The following ST8SIA6 variants were observed in gnomAD, a reference collection of about 807,000 sequenced individuals.
ST8SIA6 encodes ST8 alpha-N-acetyl-neuraminide alpha-2,8-sialyltransferase 6, also known as alpha-2,8-sialyltransferase 8F.
ST8SIA6 carries 39 observed loss-of-function variants against 33.6 expected under a neutral mutation model. That is an observed-to-expected ratio of 1.16 (90% CI 0.90 to 1.52). The LOEUF is 1.52. Ranked by LOEUF, ST8SIA6 falls within the 40% of genes most tolerant of loss-of-function variation. The pLI, the probability that ST8SIA6 is intolerant of heterozygous loss-of-function variation, is 0.00. For synonymous variants in ST8SIA6, 172 were observed against 167.2 expected (o/e 1.03, Z -0.22); for missense variants, 441 against 443.8 (o/e 0.99, Z 0.06).
chr10:17,361,089 G>T (rs1849371846), intron 3 of ST8SIA6, among the ~76,000 whole-genome samples: 1 of 151,980 alleles, frequency 6.6e-6, no homozygotes, highest in South Asian at 2.1e-4. Context: ...AGTTAGAAGG[G>T]CTATATTCAT....
chr10:17,334,654 G>GA (rs1293855288), intron 4 of ST8SIA6, among the ~76,000 whole-genome samples: 2 of 151,372 alleles, frequency 1.3e-5, no homozygotes, highest in Non-Finnish European at 2.9e-5. Flanking sequence ...CAAGTCCAAT[G>GA]AAAAAAAGAA....
intron 4 of ST8SIA6, among the ~76,000 whole-genome samples, chr10:17,351,414 A>T (rs1564415826): frequency 6.6e-6 from 1 of 150,478 alleles, no homozygotes; most frequent in Admixed American, 6.7e-5. Flanking sequence ...AAAAGTAAAA[A>T]AAAATTTTAG....
At chr10:17,392,544 T>C (rs1850655323) in intron 2 of ST8SIA6, among the ~76,000 whole-genome samples, 1 of 151,936 alleles carries the variant, frequency 6.6e-6, no homozygotes, top group Non-Finnish European at 1.5e-5. Flanking sequence ...AAATGTGCAA[T>C]GGTTCCAAAA....
chr10:17,414,136 T>G (rs1851535786), intron 2 of ST8SIA6, among the ~76,000 whole-genome samples: 1 of 149,112 alleles, frequency 6.7e-6, no homozygotes, highest in South Asian at 2.1e-4. Flanking sequence ...TGTCCTTGAC[T>G]GGCAAATTTG....
chr10:17,373,427 CT>C (rs1176141321), intron 3 of ST8SIA6, among the ~76,000 whole-genome samples: 1 of 152,172 alleles, frequency 6.6e-6, no homozygotes, highest in Non-Finnish European at 1.5e-5. Context: ...ATATGTTTGA[CT>C]TTACCATGTA....
At chr10:17,354,750 G>A (rs1186402611) in intron 4 of ST8SIA6, among the ~76,000 whole-genome samples, 3 of 152,116 alleles carry the variant, frequency 2.0e-5, no homozygotes, top group Admixed American at 6.6e-5. Context: ...GAGTCTCAGG[G>A]CCAGAAAGAT....
In ST8SIA6 at chr10:17,347,953, C is replaced by CAAAAAAAA. The variant is rs55996465; in HGVS notation, c.377+11553_377+11560dup. On this transcript the variant is annotated intron_variant, in intron 4 of 7. Transcript: ENST00000377602. ...CCTAGGCGATGGTGAGACTCTGTCT[C>CAAAAAAAA]AAAAAAAAAAAAAAAAAAAAAATTA... Among the ~76,000 whole-genome samples, 195 of 68,446 alleles carry CAAAAAAAA rather than the reference C, an allele frequency of 2.8e-3. 2 individuals are homozygous for CAAAAAAAA. The highest frequency in any genetic ancestry group is 4.3e-3 in the African/African-American group (78 of 18,352). The allele number at this position is 68,446 out of a possible 152,430, so 44.9% of individuals were successfully genotyped here. A position where few individuals can be genotyped will look rare whatever the true frequency, so the allele number is the denominator to read the frequency against.
intron 2 of ST8SIA6, 72 bp from the exon 3 acceptor site, chr10:17,390,692 C>G (rs1013459999): frequency 1.6e-6 from 2 of 1,227,948 alleles, no homozygotes; most frequent in African/African-American, 1.5e-5. Context: ...TAACAAAAAT[C>G]AGATTTAATT....
chr10:17,390,125 G>T (rs1850531466), intron 3 of ST8SIA6, among the ~76,000 whole-genome samples: 1 of 152,216 alleles, frequency 6.6e-6, no homozygotes, highest in East Asian at 1.9e-4. Flanking sequence ...GAGTAGCTGG[G>T]ATTACAGGCA....
intron 3 of ST8SIA6, among the ~76,000 whole-genome samples, chr10:17,389,322 AG>A (rs1277000760): frequency 1.3e-5 from 2 of 152,222 alleles, no homozygotes; most frequent in African/African-American, 2.4e-5. Flanking sequence ...GGTTCTGTCT[AG>A]GCAGTGGGCA....
intron 2 of ST8SIA6, among the ~76,000 whole-genome samples, chr10:17,415,570 G>A (rs1178205778): frequency 1.3e-5 from 2 of 152,084 alleles, no homozygotes; most frequent in South Asian, 2.1e-4. Context: ...GTGAAGAAGG[G>A]TATATAAGCT....
chr10:17,449,788 A>G (rs1446200090), intron 2 of ST8SIA6, among the ~76,000 whole-genome samples: 1 of 152,216 alleles, frequency 6.6e-6, no homozygotes, highest in African/African-American at 2.4e-5. Context: ...GAACTGAGTC[A>G]GTAGGAGCAG....
chr10:17,453,918 A>G (rs932958151), intron 1 of ST8SIA6, among the ~76,000 whole-genome samples: 1 of 152,060 alleles, frequency 6.6e-6, no homozygotes, highest in Non-Finnish European at 1.5e-5. Flanking sequence ...GATGCGCGCT[A>G]GAGCCCCCGC....
chr10:17,451,014 T>TG (rs1308616120), intron 2 of ST8SIA6, among the ~76,000 whole-genome samples: 1 of 152,224 alleles, frequency 6.6e-6, no homozygotes, highest in Non-Finnish European at 1.5e-5. Context: ...CTCCACAATG[T>TG]GTTAACTCTG....
intron 3 of ST8SIA6, among the ~76,000 whole-genome samples, chr10:17,374,178 T>C (rs1187307831): frequency 1.4e-5 from 2 of 148,018 alleles, no homozygotes; most frequent in Non-Finnish European, 3.0e-5. Flanking sequence ...CAAATCATAA[T>C]CCCATTTTTT....
intron 2 of ST8SIA6, among the ~76,000 whole-genome samples, chr10:17,395,020 C>T (rs1850757463): frequency 6.6e-6 from 1 of 152,140 alleles, no homozygotes; most frequent in African/African-American, 2.4e-5. Context: ...TGAATTATAG[C>T]TTTCACAATT....
At chr10:17,387,523 T>G (rs1850423746) in intron 3 of ST8SIA6, among the ~76,000 whole-genome samples, 1 of 149,420 alleles carries the variant, frequency 6.7e-6, no homozygotes, top group African/African-American at 2.5e-5. Context: ...CGCCTCAGCC[T>G]CCCAAAGTGC....
chr10:17,363,751 T>C (rs982901128), intron 3 of ST8SIA6, among the ~76,000 whole-genome samples: 1 of 152,174 alleles, frequency 6.6e-6, no homozygotes, highest in Non-Finnish European at 1.5e-5. Flanking sequence ...ATTGGCAAAT[T>C]TGACAAATCA....
intron 6 of ST8SIA6, among the ~76,000 whole-genome samples, chr10:17,324,842 GTAATA>G (rs937269819): frequency 7.3e-4 from 106 of 144,604 alleles, no homozygotes; most frequent in Non-Finnish European, 1.3e-3. Flanking sequence ...TATATTATAT[GTAATA>G]TTAGTATATT....
Sources: gnomAD v4.1 joint callset for allele counts (sites outside exome capture counted in the v4.1 genomes callset) on GRCh38, gnomAD v4.1.1 for gene constraint, MANE v1.5 for transcripts, NCBI Gene and HGNC (gene_info 2026-07-23, HGNC 2026-07-21) for gene names.